IFT46: variants seen among roughly 807,000 people sequenced by gnomAD.
IFT46 encodes intraflagellar transport protein 46 homolog.
In IFT46, 19 loss-of-function variants were observed where a neutral mutation model predicts 39.6. The ratio of observed to expected loss-of-function variants is 0.48; its 90% CI spans 0.33 to 0.70. IFT46 has a LOEUF of 0.70. IFT46 is among the 30% of genes least tolerant of loss of function. The pLI, the probability that IFT46 is intolerant of heterozygous loss-of-function variation, is 0.01. For synonymous variants in IFT46, 117 were observed against 134.8 expected (o/e 0.87, Z 0.91); for missense variants, 334 against 364.8 (o/e 0.92, Z 0.69).
At chr11:118,549,386 A>G (rs113739713) in intron 9 of IFT46, among the ~76,000 whole-genome samples, 24,792 of 151,762 alleles carry the variant, frequency 0.16, 2,575 homozygotes, top group East Asian at 0.5. Context: ...TTGCTTGGAC[A>G]GTAATTTTTT....
chr11:118,567,138 T>C (rs1555071641), upstream of IFT46, among the ~76,000 whole-genome samples: 1 of 152,056 alleles, frequency 6.6e-6, no homozygotes, highest in Non-Finnish European at 1.5e-5. Context: ...CCTATAGTGC[T>C]AGCCACTCGG....
intron 2 of IFT46, chr11:118,560,484 A>G (rs1938014621): frequency 5.8e-6 from 1 of 172,312 alleles, no homozygotes; most frequent in Admixed American, 6.1e-5. Context: ...GGGGGAAAAG[A>G]AAAGAAAGAG....
At chr11:118,554,688 G>T in intron 6 of IFT46, 101 bp from the exon 7 acceptor site, 1 of 1,270,480 alleles carries the variant, frequency 7.9e-7, no homozygotes, top group Non-Finnish European at 1.1e-6. Flanking sequence ...TTAAAAGCAT[G>T]CTTATCATGC....
At position 118,551,947 on chromosome 11, in the gene IFT46, A is replaced by G. The variant is rs1198450191; in HGVS notation, c.606-95T>C. 2.4e-6 allele frequency: 3 copies of G among 1,252,558 alleles called. No individual in the cohort carries two copies. The East Asian group carries it at 7.0e-5, about 29-fold the overall frequency. 77.6% of individuals were successfully genotyped at this position (1,252,558 alleles called of 1,614,324 possible). A position where few individuals can be genotyped will look rare whatever the true frequency, so the allele number is the denominator to read the frequency against. On this transcript the variant is annotated intron_variant, in intron 8 of 11. Transcript: ENST00000264021. ...ATTCTAGGATGAAGGAGAGGTCTTCAATCTGGCACATCAGGAAGGCTTCAG... is the reference window on the plus strand; with the variant it reads ...ATTCTAGGATGAAGGAGAGGTCTTCGATCTGGCACATCAGGAAGGCTTCAG...
intron 9 of IFT46, among the ~76,000 whole-genome samples, chr11:118,551,137 C>G (rs1368738572): frequency 1.3e-5 from 2 of 149,458 alleles, no homozygotes; most frequent in African/African-American, 4.9e-5. Context: ...TTTGGGAGGC[C>G]AAGGCAGACG....
In IFT46 at chr11:118,545,394, T is replaced by C; in HGVS notation, c.819+15A>G. On this transcript the variant is annotated intron_variant, in intron 11 of 11. Transcript: ENST00000264021. ...CCTCTCTACAGCTTAAGTCAACCCC[T>C]GATGCTTGGCTCACCTGTGAGTTCT... 1 of 1,582,012 alleles carries C rather than the reference T, an allele frequency of 6.3e-7. No homozygotes were observed. The highest frequency in any genetic ancestry group is 8.7e-7 in the Non-Finnish European group (1 of 1,150,946).
In IFT46 at chr11:118,545,424, T is replaced by C. The variant is rs1430025034; in HGVS notation, c.804A>G (p.Glu268=). The C allele has an allele frequency of 2.5e-6, 4 of 1,612,372 alleles. No homozygotes were observed. The East Asian group carries it at 6.7e-5, about 27-fold the overall frequency. Residue 268 remains glutamate (E), a synonymous_variant, in exon 11 of 12, where the codon GAA becomes GAG. Transcript: ENST00000264021. ...SLHLLFSLYS[E]FKNSQHFKAL... ...CTTGGCTCACCTGTGAGTTCTTGAATTCTGAGTAGAGGGAAAAGAGCAGAT... is the reference window on the plus strand; with the variant it reads ...CTTGGCTCACCTGTGAGTTCTTGAACTCTGAGTAGAGGGAAAAGAGCAGAT...
chr11:118,567,219 A>G (rs1188407371), upstream of IFT46, among the ~76,000 whole-genome samples: 2 of 151,568 alleles, frequency 1.3e-5, no homozygotes, highest in African/African-American at 4.8e-5. Flanking sequence ...GGGCCACTGC[A>G]TTCACTCCAG....
At chr11:118,562,704 C>T (rs1555070769) in intron 2 of IFT46, among the ~76,000 whole-genome samples, 1 of 152,148 alleles carries the variant, frequency 6.6e-6, no homozygotes. Context: ...CTGTTCATAG[C>T]AGTGTTATTC....
At chr11:118,569,767 A>T (rs143335337), upstream of IFT46, among the ~76,000 whole-genome samples, 172 of 152,340 alleles carry the variant, frequency 1.1e-3, 4 homozygotes, top group East Asian at 0.012. Flanking sequence ...ATTAAATGAG[A>T]TAATCTGTGT....
chr11:118,549,703 C>T (rs182228103), intron 9 of IFT46, among the ~76,000 whole-genome samples: 1,705 of 151,304 alleles, frequency 0.011, 31 homozygotes, highest in African/African-American at 0.038. Context: ...TATTGTATTT[C>T]TAGTAGAGAT....
intron 1 of IFT46, chr11:118,572,446 A>AG: frequency 8.1e-7 from 1 of 1,227,900 alleles, no homozygotes; most frequent in South Asian, 1.4e-5. Context: ...GTTCCTGTCA[A>AG]GGGGGCAGCA....
intron 9 of IFT46, chr11:118,546,951 A>G (rs547097618): frequency 3.3e-5 from 5 of 152,342 alleles, no homozygotes; most frequent in African/African-American, 1.2e-4. Context: ...TTTACAAAAA[A>G]CAGAGTACAT....
At chr11:118,551,656 G>C in intron 9 of IFT46, 130 bp downstream of exon 9, 1 of 662,274 alleles carries the variant, frequency 1.5e-6, no homozygotes, top group South Asian at 1.9e-5. Context: ...CCTGGGAAGA[G>C]CAAGACCCTG....
At chr11:118,557,391 T>A (rs1795056275) in intron 3 of IFT46, 1 of 394,170 alleles carries the variant, frequency 2.5e-6, no homozygotes, top group African/African-American at 2.1e-5. Context: ...GGATGGCAAC[T>A]CTAGTTATTT....
chr11:118,545,802 T>C lies in IFT46; in HGVS notation c.724A>G (p.Met242Val), dbSNP rs782052448. The change falls in exon 10 of 12, where the codon ATG becomes GTG. Residue 242 changes from methionine to valine, a missense_variant. Coordinates refer to ENST00000264021, the MANE Select transcript of IFT46 (RefSeq NM_001168618.2). ...GGAAAGAGGAACTCACCACAGATCA[T>C]GTCAATGTACTCTGCCAGGCTGCAA... ...IDCSLAEYIDMICAILDIPVY... is the reference protein window; with the variant it reads ...IDCSLAEYIDVICAILDIPVY... 12 of 1,614,178 alleles carry C rather than the reference T, an allele frequency of 7.4e-6. No individual in the cohort carries two copies. In the East Asian group the frequency reaches 2.2e-4, roughly 30 times the overall value.
At chr11:118,574,387 C>T (rs536415528), upstream of IFT46, among the ~76,000 whole-genome samples, 6 of 152,026 alleles carry the variant, frequency 3.9e-5, no homozygotes, top group East Asian at 9.7e-4. Flanking sequence ...AAATTTCCAG[C>T]GTTTATTTTA....
At chr11:118,549,282 C>T (rs558116065) in intron 9 of IFT46, among the ~76,000 whole-genome samples, 3 of 151,176 alleles carry the variant, frequency 2.0e-5, no homozygotes, top group South Asian at 4.2e-4. Context: ...CTCAAGTGAT[C>T]GTCCCACCTC....
rs1555069257 is a variant in IFT46 at position 118,555,257 on chromosome 11, T to C, written c.251A>G (p.Tyr84Cys). 4.3e-6 allele frequency: 7 copies of C among 1,613,724 alleles called. No homozygotes were observed. Among genetic ancestry groups the C allele is most frequent in the Non-Finnish European group, 5.1e-6 (6 of 1,179,582 alleles). ...VSAEIKELFQ[Y>C]ISRYTPQLID... ...AGGTCCTAGTACTCACCTACTGATG[T>C]ACTGGAAGAGTTCCTTAATTTCAGC... is the stretch of plus-strand genomic sequence containing the variant. Residue 84 changes from tyrosine to cysteine, a missense_variant, in exon 5 of 12, where the codon TAC becomes TGC. Coordinates refer to ENST00000264021, the MANE Select transcript of IFT46 (RefSeq NM_001168618.2).
Sources: gnomAD v4.1 joint callset for allele counts (sites outside exome capture counted in the v4.1 genomes callset) on GRCh38, gnomAD v4.1.1 for gene constraint, MANE v1.5 for transcripts, NCBI Gene and HGNC (gene_info 2026-07-23, HGNC 2026-07-21) for gene names.